The following FAM193A variants were observed in gnomAD, a reference collection of about 807,000 sequenced individuals.
FAM193A encodes the protein family with sequence similarity 193 member A, also known as protein FAM193A.
In FAM193A, 22 loss-of-function variants were observed where a neutral mutation model predicts 126.5. That is an observed-to-expected ratio of 0.17 (90% confidence interval 0.12 to 0.25). The LOEUF (loss-of-function observed/expected upper bound fraction) is 0.25. Among genes scored for constraint, FAM193A ranks in the 10% least tolerant of loss-of-function variants. The pLI, the probability that FAM193A is intolerant of heterozygous loss-of-function variation, is 1.00. For missense variants in FAM193A, 1,675 were observed against 1,672.8 expected (o/e 1.00, Z -0.02); for synonymous variants, 761 against 646.8 (o/e 1.18, Z -2.68).
intron 20 of FAM193A, among the ~76,000 whole-genome samples, chr4:2,716,751 A>C (rs1166970746): frequency 6.6e-6 from 1 of 152,156 alleles, no homozygotes; most frequent in African/African-American, 2.4e-5. Context: ...ATCTCAGCTC[A>C]CTGCAACCTC....
At chr4:2,702,289 G>A (rs1332424447) in intron 19 of FAM193A, among the ~76,000 whole-genome samples, 3 of 152,166 alleles carry the variant, frequency 2.0e-5, no homozygotes, top group Non-Finnish European at 2.9e-5. Context: ...AGCCCCCTCG[G>A]AATGGCTTTT....
intron 2 of FAM193A, among the ~76,000 whole-genome samples, chr4:2,598,426 T>A (rs1306441908): frequency 6.6e-6 from 1 of 152,240 alleles, no homozygotes. Context: ...AACATTATTT[T>A]TCTTCTGTGG....
intron 1 of FAM193A, among the ~76,000 whole-genome samples, chr4:2,595,133 C>T (rs1187311861): frequency 6.6e-6 from 1 of 152,048 alleles, no homozygotes; most frequent in Admixed American, 6.6e-5. Context: ...ACTACAGCCT[C>T]GACTTGCTGG....
chr4:2,715,083 A>G (rs1011953436), intron 19 of FAM193A, among the ~76,000 whole-genome samples: 12 of 152,250 alleles, frequency 7.9e-5, no homozygotes, highest in Admixed American at 2.6e-4. Context: ...TTCTCAATCA[A>G]TGATTTCCCT....
chr4:2,722,800 A>AT (rs1255124598), intron 20 of FAM193A, among the ~76,000 whole-genome samples: 5 of 152,174 alleles, frequency 3.3e-5, no homozygotes, highest in African/African-American at 1.2e-4. Context: ...AGTAATAACC[A>AT]TTTTCAGGTT....
In FAM193A at chr4:2,625,287, C is replaced by T. The variant is rs1026768451; in HGVS notation, c.527C>T (p.Ser176Leu). The T allele has an allele frequency of 2.3e-5, 16 of 702,744 alleles. No individual in the cohort carries two copies. The highest frequency in any genetic ancestry group is 2.3e-4 in the Middle Eastern group (1 of 4,392). 43.5% of individuals were successfully genotyped at this position (702,744 alleles called of 1,614,324 possible). Residue 176 changes from serine to leucine, a missense_variant, in exon 3 of 21, where the codon TCG becomes TTG. Coordinates refer to ENST00000637812, the MANE Select transcript of FAM193A (RefSeq NM_001366318.2). ...AGCCAAGATTTTCTTCTTCACTCCT[C>T]GCTTGGTGGCTCCCAGCCAGAGGCC... ...PVSQDFLLHS[S>L]LGGSQPEAGS...
chr4:2,663,259 A>G lies in FAM193A; in HGVS notation c.2050A>G (p.Ser684Gly), dbSNP rs769719438. Residue 684 changes from serine (S) to glycine (G), a missense_variant, in exon 12 of 21, where the codon AGT (serine) becomes GGT (glycine). Physicochemically the swap from Ser to Gly is moderately conservative, Grantham distance 56 (BLOSUM62 0). Coordinates refer to ENST00000637812, the MANE Select transcript of FAM193A (RefSeq NM_001366318.2). ...SPRTEESKAD[S>G]PPPSYPTQQA... is the part of the protein sequence containing the mutation. ...CAGGACAGAGGAGAGCAAAGCAGAC[A>G]GTCCACCCCCATCCTACCCAACACA... is the stretch of plus-strand genomic sequence containing the variant. 5 of 1,605,636 alleles carry G rather than the reference A, an allele frequency of 3.1e-6. No individual in the cohort carries two copies. The highest frequency in any genetic ancestry group is 2.2e-5 in the South Asian group (2 of 89,622).
At chr4:2,590,996 C>T (rs1269044744) in intron 1 of FAM193A, among the ~76,000 whole-genome samples, 1 of 150,834 alleles carries the variant, frequency 6.6e-6, no homozygotes, top group Non-Finnish European at 1.5e-5. Context: ...CACTACACCC[C>T]AGCCTGGGTC....
intron 20 of FAM193A, among the ~76,000 whole-genome samples, chr4:2,718,122 T>G (rs1719741535): frequency 2.0e-5 from 3 of 152,016 alleles, no homozygotes; most frequent in African/African-American, 7.2e-5. Flanking sequence ...AGATTTCACT[T>G]GAGAAATTAG....
intron 1 of FAM193A, among the ~76,000 whole-genome samples, chr4:2,546,710 T>G (rs933231135): frequency 1.3e-5 from 2 of 152,220 alleles, no homozygotes; most frequent in Non-Finnish European, 2.9e-5. Flanking sequence ...TTGGTGATTA[T>G]AAATAGAGTT....
chr4:2,717,007 A>ATCCG (rs1719613345), intron 20 of FAM193A, among the ~76,000 whole-genome samples: 1 of 147,078 alleles, frequency 6.8e-6, no homozygotes, highest in Admixed American at 6.8e-5. Flanking sequence ...TTTTTGAGAC[A>ATCCG]GAGTCTCTGT....
intron 1 of FAM193A, among the ~76,000 whole-genome samples, chr4:2,568,342 T>A (rs544132583): frequency 1.6e-4 from 24 of 152,230 alleles, no homozygotes; most frequent in African/African-American, 5.3e-4. Flanking sequence ...TTAGGGATTT[T>A]AAAAAATTGT....
intron 19 of FAM193A, among the ~76,000 whole-genome samples, chr4:2,710,602 G>A (rs1485875215): frequency 1.3e-5 from 2 of 150,972 alleles, no homozygotes; most frequent in Non-Finnish European, 1.5e-5. Context: ...CCCTGGGCTC[G>A]GGTGATCCTC....
chr4:2,709,589 A>G (rs1718689045), intron 19 of FAM193A, among the ~76,000 whole-genome samples: 1 of 152,154 alleles, frequency 6.6e-6, no homozygotes, highest in African/African-American at 2.4e-5. Context: ...CGCACCTGTA[A>G]TCTCAGCTAC....
At position 2,693,830 on chromosome 4, in the gene FAM193A, C is replaced by G; in HGVS notation, c.3048C>G (p.Pro1016=). 1 of 1,614,226 alleles carries G rather than the reference C, an allele frequency of 6.2e-7. No individual in the cohort carries two copies. The highest frequency in any genetic ancestry group is 1.1e-5 in the South Asian group (1 of 91,086). The change falls in exon 16 of 21, where the codon CCC becomes CCG. Residue 1016 remains proline (P), a synonymous_variant. Coordinates refer to ENST00000637812, the MANE Select transcript of FAM193A (RefSeq NM_001366318.2). ...AGAGTTTCTGTCCTGCACCCCTACC[C>G]CCGGCCACAGATGGCTCCATTAGCG... ...TRKSFCPAPL[P]PATDGSISAP... is the part of the protein sequence containing the mutation.
At chr4:2,650,835 C>T (rs766398247) in intron 7 of FAM193A, among the ~76,000 whole-genome samples, 6 of 152,172 alleles carry the variant, frequency 3.9e-5, no homozygotes, top group African/African-American at 9.7e-5. Flanking sequence ...CATGGATAGC[C>T]GCCCACGGTA....
intron 2 of FAM193A, among the ~76,000 whole-genome samples, chr4:2,623,239 C>T (rs925548419): frequency 4.0e-5 from 6 of 151,692 alleles, no homozygotes; most frequent in African/African-American, 1.2e-4. Flanking sequence ...GGCGCGATCT[C>T]GGCTCACTGC....
At chr4:2,634,596 C>A (rs1743912150) in intron 5 of FAM193A, among the ~76,000 whole-genome samples, 1 of 152,080 alleles carries the variant, frequency 6.6e-6, no homozygotes, top group Non-Finnish European at 1.5e-5. Context: ...GATTAATACT[C>A]TAAAGAATGA....
intron 19 of FAM193A, among the ~76,000 whole-genome samples, chr4:2,715,674 C>T (rs958138741): frequency 3.3e-5 from 5 of 152,136 alleles, no homozygotes; most frequent in African/African-American, 1.2e-4. Context: ...CCTGGGCTTG[C>T]GTGCGAATTA....
Sources: gnomAD v4.1 joint callset for allele counts (sites outside exome capture counted in the v4.1 genomes callset) on GRCh38, gnomAD v4.1.1 for gene constraint, MANE v1.5 for transcripts, NCBI Gene and HGNC (gene_info 2026-07-23, HGNC 2026-07-21) for gene names.